NECAP1: variants seen among roughly 807,000 people sequenced by gnomAD.
NECAP1 encodes the protein NECAP endocytosis associated 1.
A neutral mutation model predicts 33.4 loss-of-function variants in NECAP1; 13 were observed. The observed-to-expected ratio is 0.39, with a 90% CI of 0.25 to 0.62. The LOEUF (loss-of-function observed/expected upper bound fraction) is 0.62, where lower values mean the gene tolerates loss of function less well. Among genes scored for constraint, NECAP1 ranks in the 20% least tolerant of loss-of-function variants. The pLI, the probability that NECAP1 is intolerant of heterozygous loss-of-function variation, is 0.52. For missense variants in NECAP1, 272 were observed against 347.4 expected, an observed-to-expected ratio of 0.78 and a Z score of 1.73; for synonymous variants, 109 against 125.2, an observed-to-expected ratio of 0.87 and a Z score of 0.86.
intron 6 of NECAP1, chr12:8,093,585 T>G (rs1004189448): frequency 5.2e-5 from 8 of 155,082 alleles, no homozygotes; most frequent in Admixed American, 1.3e-4. Context: ...AAACATTAGT[T>G]GGACGTGGTG....
At chr12:8,085,738 C>G (rs1947484254) in intron 1 of NECAP1, among the ~76,000 whole-genome samples, 1 of 116,892 alleles carries the variant, frequency 8.6e-6, no homozygotes, top group African/African-American at 3.3e-5. Context: ...GAGTCTCGCT[C>G]TGTCACCCAG....
At chr12:8,083,588 C>A (rs1441105360) in intron 1 of NECAP1, among the ~76,000 whole-genome samples, 4 of 151,814 alleles carry the variant, frequency 2.6e-5, no homozygotes, top group Admixed American at 2.6e-4. Context: ...CACCACCACA[C>A]CTGGCTAATT....
intron 1 of NECAP1, among the ~76,000 whole-genome samples, chr12:8,086,790 T>C (rs750501488): frequency 7.2e-5 from 11 of 151,916 alleles, no homozygotes; most frequent in African/African-American, 2.4e-4. Flanking sequence ...ACAAAAGAAA[T>C]TAGCTGGGCA....
intron 1 of NECAP1, 90 bp downstream of exon 1, chr12:8,082,473 A>G: frequency 3.4e-6 from 4 of 1,190,974 alleles, no homozygotes; most frequent in Non-Finnish European, 4.8e-6. Context: ...CCCTGCCACT[A>G]CTACCTCTGT....
chr12:8,093,166 A>T, intron 6 of NECAP1, 111 bp downstream of exon 6: 1 of 1,075,492 alleles, frequency 9.3e-7, no homozygotes, highest in Non-Finnish European at 1.4e-6. Flanking sequence ...CATGGTACTG[A>T]CAAGGTGATT....
intron 4 of NECAP1, 131 bp from the exon 5 acceptor site, chr12:8,092,545 T>G: frequency 6.2e-6 from 4 of 643,046 alleles, no homozygotes; most frequent in Non-Finnish European, 1.1e-5. Context: ...TCCCTTCTGT[T>G]TCTCACTCTT....
chr12:8,097,481 A>G lies in NECAP1; in HGVS notation c.*1391A>G, dbSNP rs1197744205. On this transcript the variant is annotated 3_prime_UTR_variant, in exon 8 of 8. Transcript: ENST00000339754. ...CTTCACTTTTTCTGACTTTGGGTCC[A>G]TTTTCTTTTCATTGCCTCCTTTTCC... 6.6e-6 allele frequency: 1 copy of G among 152,560 alleles called. No homozygotes were observed. The highest frequency in any genetic ancestry group is 1.9e-4 in the East Asian group (1 of 5,194). 9.5% of individuals were successfully genotyped at this position (152,560 alleles called of 1,614,324 possible). A position where few individuals can be genotyped will look rare whatever the true frequency, so the allele number is the denominator to read the frequency against.
At chr12:8,087,293 G>T (rs1437146678) in intron 1 of NECAP1, among the ~76,000 whole-genome samples, 2 of 151,440 alleles carry the variant, frequency 1.3e-5, no homozygotes, top group Non-Finnish European at 2.9e-5. Context: ...TATTACTAAG[G>T]TAAATGAAAA....
chr12:8,090,180 T>C lies in NECAP1; in HGVS notation c.197-15T>C, dbSNP rs753022217. The C allele has an allele frequency of 3.7e-6, 6 of 1,613,718 alleles. No individual in the cohort carries two copies. Among genetic ancestry groups the C allele is most frequent in the South Asian group, 1.1e-5 (1 of 91,068 alleles). On this transcript the variant is annotated splice_polypyrimidine_tract_variant and intron_variant, in intron 2 of 7. Coordinates refer to ENST00000339754, the MANE Select transcript of NECAP1 (RefSeq NM_015509.4). ...GGCTTGCTTTACTCAAAAAAGTCTT[T>C]CTCTTATCTGTCAGGGGAGCTCTTT...
Position 8,091,902 on chromosome 12 carries a change from C to T in NECAP1, c.383+52C>T, listed in dbSNP as rs773409965. 8.2e-6 allele frequency: 12 copies of T among 1,455,476 alleles called. 1 individual carries two copies. Among genetic ancestry groups the T allele is most frequent in the Non-Finnish European group, 1.1e-5 (12 of 1,044,688 alleles). 90.2% of individuals were successfully genotyped at this position (1,455,476 alleles called of 1,614,324 possible). On this transcript the variant is annotated intron_variant, in intron 4 of 7. Coordinates refer to ENST00000339754, the MANE Select transcript of NECAP1 (RefSeq NM_015509.4). Reference sequence around the variant, plus strand: ...AGGCTGAATGCTTATAGGAATGCTGCTTCTCACATGAATGGGCAGTATCTC... The same window carrying T: ...AGGCTGAATGCTTATAGGAATGCTGTTTCTCACATGAATGGGCAGTATCTC...
In NECAP1 at chr12:8,096,074, A is replaced by G. The variant is rs763046716; in HGVS notation, c.812A>G (p.Asn271Ser). The change falls in exon 8 of 8, where the codon AAC becomes AGC. Residue 271 changes from asparagine to serine, a missense_variant. Physicochemically the swap from Asn to Ser is conservative, Grantham distance 46. Transcript: ENST00000339754. The stretch of plus-strand genomic sequence containing the variant: ...CCAAACCAGGCACCACAGCCATCCA[A>G]CTGGGTCCAGTTCTGAATGGCATTG... The part of the protein sequence containing the change: ...SVPNQAPQPS[N>S]WVQF 17 of 1,614,128 alleles carry G rather than the reference A, an allele frequency of 1.1e-5. No individual in the cohort carries two copies. In the East Asian group the frequency reaches 1.6e-4, roughly 15 times the overall value.
At chr12:8,095,953 G>A (rs1947590055) in intron 7 of NECAP1, 89 bp from the exon 8 acceptor site, 2 of 1,507,030 alleles carry the variant, frequency 1.3e-6, no homozygotes, top group African/African-American at 1.4e-5. Flanking sequence ...GAAATTCTAG[G>A]CAGTGATTTC....
At position 8,093,313 on chromosome 12, in the gene NECAP1, G is replaced by A. The variant is rs181488202; in HGVS notation, c.676+258G>A. On this transcript the variant is annotated intron_variant, in intron 6 of 7. Transcript: ENST00000339754. ...TTTTTTCTTGGTTAGATGCTTATAA[G>A]CTTTTGAGTCAGATGGACCAAGATT... is the stretch of plus-strand genomic sequence containing the variant. The A allele has an allele frequency of 2.7e-5, 12 of 446,812 alleles. No homozygotes were observed. The East Asian group carries it at 5.1e-4, about 19-fold the overall frequency. The allele number at this position is 446,812 out of a possible 1,614,324, so 27.7% of individuals were successfully genotyped here.
chr12:8,089,357 T>C (rs1257631736), intron 1 of NECAP1: 3 of 152,264 alleles, frequency 2.0e-5, no homozygotes, highest in Non-Finnish European at 4.4e-5. Flanking sequence ...GAAAATAGCA[T>C]CGTTATGAGA....
chr12:8,087,864 A>G (rs762257615), intron 1 of NECAP1, among the ~76,000 whole-genome samples: 4 of 152,190 alleles, frequency 2.6e-5, no homozygotes, highest in African/African-American at 7.2e-5. Context: ...GGAAGGACTT[A>G]TTTTACAGAT....
At chr12:8,083,133 A>C (rs887276074) in intron 1 of NECAP1, among the ~76,000 whole-genome samples, 2 of 152,094 alleles carry the variant, frequency 1.3e-5, no homozygotes, top group Non-Finnish European at 1.5e-5. Flanking sequence ...GTTGGGCCTA[A>C]CTACCTACCT....
chr12:8,095,686 C>A lies in NECAP1; in HGVS notation c.762C>A (p.Asp254Glu), dbSNP rs1460184538. The A allele has an allele frequency of 1.9e-6, 3 of 1,612,900 alleles. No homozygotes were observed. Among genetic ancestry groups the A allele is most frequent in the Non-Finnish European group, 2.5e-6 (3 of 1,179,012 alleles). ...CTGTAAGCAATGACTTGTGGGGAGA[C>A]TTCAGCACTGCCTCCAGGTAATGGG... is the stretch of plus-strand genomic sequence containing the variant. ...PVSVSNDLWGDFSTASSSVPN... is the reference protein window; with the variant it reads ...PVSVSNDLWGEFSTASSSVPN... The change falls in exon 7 of 8, where the codon GAC (aspartate) becomes GAA (glutamate). Residue 254 changes from aspartate to glutamate, a missense_variant. By Grantham distance (45) the Asp-to-Glu change is conservative (BLOSUM62 2). Transcript: ENST00000339754.
chr12:8,088,089 A>G (rs891820650), intron 1 of NECAP1, among the ~76,000 whole-genome samples: 1 of 152,178 alleles, frequency 6.6e-6, no homozygotes, highest in African/African-American at 2.4e-5. Context: ...CACAAATACA[A>G]TGTTTTGTAA....
At position 8,096,284 on chromosome 12, in the gene NECAP1, G is replaced by GTA; in HGVS notation, c.*196_*197dup. On this transcript the variant is annotated 3_prime_UTR_variant, in exon 8 of 8. Coordinates refer to ENST00000339754, the MANE Select transcript of NECAP1 (RefSeq NM_015509.4). ...TGTTGTTACTTGTACAGCCAAGAAA[G>GTA]TATCTGTTATCTCCTGCGTAGTACC... 1 of 588,562 alleles carries GTA rather than the reference G, an allele frequency of 1.7e-6. No individual in the cohort carries two copies. The highest frequency in any genetic ancestry group is 3.0e-6 in the Non-Finnish European group (1 of 335,346). The allele number at this position is 588,562 out of a possible 1,614,324, so 36.5% of individuals were successfully genotyped here.
Sources: allele counts gnomAD v4.1 joint callset (sites outside exome capture counted in the v4.1 genomes callset), GRCh38; gene constraint gnomAD v4.1.1; transcripts MANE v1.5; gene names NCBI Gene and HGNC (gene_info 2026-07-23, HGNC 2026-07-21).